KCNQ1: variants seen among roughly 807,000 people sequenced by gnomAD.
KCNQ1 encodes the protein potassium voltage-gated channel subfamily Q member 1.
Under a neutral mutation model 72.4 loss-of-function variants are expected in KCNQ1, and 49 were observed. The observed-to-expected ratio is 0.68, with a 90% CI of 0.54 to 0.86. The LOEUF (loss-of-function observed/expected upper bound fraction) is 0.86, where lower values mean the gene tolerates loss of function less well. KCNQ1 is among the 40% of genes least tolerant of loss of function. KCNQ1 has a pLI of 0.00. For synonymous variants in KCNQ1, 450 were observed against 412.6 expected (o/e 1.09, Z -1.10); for missense variants, 790 against 945.1 (o/e 0.84, Z 2.15).
At chr11:2,504,140 G>C (rs1367748916) in intron 1 of KCNQ1, among the ~76,000 whole-genome samples, 2 of 152,292 alleles carry the variant, frequency 1.3e-5, no homozygotes, top group East Asian at 1.9e-4. Flanking sequence ...CGGTATACTA[G>C]TTAGCCATGA....
In KCNQ1 at chr11:2,491,663, G is replaced by T. The variant is rs1846837854; in HGVS notation, c.387-36265G>T. On this transcript the variant is annotated intron_variant, in intron 1 of 15. Transcript: ENST00000155840. This position sits in a 1 kb window ranked among gnomAD's most constrained non-coding sequence, Gnocchi z 4.1. ...ATAGGGGTAGAAAGCTTATTCAAAG[G>T]GATACTAACATAGAACTTCCCAAAC... Among the ~76,000 whole-genome samples the T allele has an allele frequency of 6.6e-6, 1 of 151,912 alleles. No homozygotes were observed. The highest frequency in any genetic ancestry group is 1.5e-5 in the Non-Finnish European group (1 of 68,010).
chr11:2,630,108 T>G (rs1212018679), intron 10 of KCNQ1: 1 of 398,294 alleles, frequency 2.5e-6, no homozygotes, highest in African/African-American at 2.1e-5. Flanking sequence ...ACCTAATTTG[T>G]TCATAGTTTT....
rs930200424 is a variant in KCNQ1 at position 2,463,683 on chromosome 11, C to T, written c.386+18199C>T. On this transcript the variant is annotated intron_variant, in intron 1 of 15. Coordinates refer to ENST00000155840, the MANE Select transcript of KCNQ1 (RefSeq NM_000218.3). The surrounding 1 kb of genome is among the most constrained non-coding windows in gnomAD (Gnocchi z 7.0). ...GCGCTGAGCTCAACACACAGGGGCT[C>T]GGGGAGGTCTGTGGGTGCCCAGGCC... is the stretch of plus-strand genomic sequence containing the variant. Among the ~76,000 whole-genome samples, 4 of 152,256 alleles carry T rather than the reference C, an allele frequency of 2.6e-5. No homozygotes were observed. The highest frequency in any genetic ancestry group is 7.2e-5 in the African/African-American group (3 of 41,552).
rs1850339519 is a variant in KCNQ1 at position 2,678,882 on chromosome 11, A to G, written c.1514+16801A>G. 1 of 398,630 alleles carries G rather than the reference A, an allele frequency of 2.5e-6. No individual in the cohort carries two copies. Among genetic ancestry groups the G allele is most frequent in the Non-Finnish European group, 4.4e-6 (1 of 226,070 alleles). The allele number at this position is 398,630 out of a possible 1,614,324, so 24.7% of individuals were successfully genotyped here. On this transcript the variant is annotated intron_variant, in intron 11 of 15. Transcript: ENST00000155840. The surrounding 1 kb of genome is among the most constrained non-coding windows in gnomAD (Gnocchi z 4.9). ...GCACAGGAGTTGCCAGCTGGACCCA[A>G]GGACCATTTCGTATACATGTATGAT...
At chr11:2,822,167 G>T (rs1022889387) in intron 15 of KCNQ1, among the ~76,000 whole-genome samples, 1 of 152,174 alleles carries the variant, frequency 6.6e-6, no homozygotes, top group African/African-American at 2.4e-5. Context: ...AACCGGAGAA[G>T]GTGAGGAATG....
Position 2,621,961 on chromosome 11 carries a change from G to T in KCNQ1, c.1393+33107G>T, listed in dbSNP as rs1849180716. On this transcript the variant is annotated intron_variant, in intron 10 of 15. Transcript: ENST00000155840. The surrounding 1 kb of genome is among the most constrained non-coding windows in gnomAD (Gnocchi z 5.7). ...TCTAATTCCTTGAGGTACAATTTTG[G>T]GCTATTTGAAATATCTCTTCTTTTT... 2.5e-6 allele frequency: 1 copy of T among 397,770 alleles called. No individual in the cohort carries two copies. Among genetic ancestry groups the T allele is most frequent in the Non-Finnish European group, 4.4e-6 (1 of 225,838 alleles). 24.6% of individuals were successfully genotyped at this position (397,770 alleles called of 1,614,324 possible). A position where few individuals can be genotyped will look rare whatever the true frequency, so the allele number is the denominator to read the frequency against.
Position 2,690,640 on chromosome 11 carries a change from T to C in KCNQ1, c.1514+28559T>C, listed in dbSNP as rs2283191. ...ATGTTCATATATGTGTCAGAATGCG[T>C]ATTTGTCAGTGTATGTGTGTCAGTG... is the stretch of plus-strand genomic sequence containing the variant. On this transcript the variant is annotated intron_variant, in intron 11 of 15. Coordinates refer to ENST00000155840, the MANE Select transcript of KCNQ1 (RefSeq NM_000218.3). The surrounding 1 kb of genome is among the most constrained non-coding windows in gnomAD (Gnocchi z 5.1). 0.014 allele frequency: 5,749 copies of C among 398,542 alleles called. 201 individuals are homozygous for C. The highest frequency in any genetic ancestry group is 0.096 in the East Asian group (2,681 of 28,068). 24.7% of individuals were successfully genotyped at this position (398,542 alleles called of 1,614,324 possible).
rs1850507063 is a variant in KCNQ1 at position 2,687,294 on chromosome 11, G to A, written c.1514+25213G>A. On this transcript the variant is annotated intron_variant, in intron 11 of 15. Coordinates refer to ENST00000155840, the MANE Select transcript of KCNQ1 (RefSeq NM_000218.3). The surrounding 1 kb of genome is among the most constrained non-coding windows in gnomAD (Gnocchi z 5.0). ...CTGGCCTCCCACCTTGCAGCTTTGA[G>A]ATCCCAGGCCTCTCAGGGCTCTGGC... 4 of 398,572 alleles carry A rather than the reference G, an allele frequency of 1.0e-5. No individual in the cohort carries two copies. Among genetic ancestry groups the A allele is most frequent in the Non-Finnish European group, 1.8e-5 (4 of 226,122 alleles). 24.7% of individuals were successfully genotyped at this position (398,572 alleles called of 1,614,324 possible). A position where few individuals can be genotyped will look rare whatever the true frequency, so the allele number is the denominator to read the frequency against.
intron 1 of KCNQ1, among the ~76,000 whole-genome samples, chr11:2,467,452 T>A (rs1480995315): frequency 6.6e-6 from 1 of 151,872 alleles, no homozygotes; most frequent in Non-Finnish European, 1.5e-5. Flanking sequence ...CTGCAGAGGA[T>A]ATGGTGTGGC....
At position 2,772,225 on chromosome 11, in the gene KCNQ1, G is replaced by A. The variant is rs1368799699; in HGVS notation, c.1590+3306G>A. Among the ~76,000 whole-genome samples, 1 of 151,966 alleles carries A rather than the reference G, an allele frequency of 6.6e-6. No individual in the cohort carries two copies. Among genetic ancestry groups the A allele is most frequent in the Non-Finnish European group, 1.5e-5 (1 of 67,970 alleles). On this transcript the variant is annotated intron_variant, in intron 12 of 15. Transcript: ENST00000155840. This position sits in a 1 kb window ranked among gnomAD's most constrained non-coding sequence, Gnocchi z 6.6. ...TTCCTCGACGCCTGCCTGTCTGCTT[G>A]CTTGCACCCCACCCCACCCCCGCTG... is the stretch of plus-strand genomic sequence containing the variant.
Position 2,803,939 on chromosome 11 carries a change from C to G in KCNQ1, c.1794+25902C>G, listed in dbSNP as rs2134029389. On this transcript the variant is annotated intron_variant, in intron 15 of 15. Transcript: ENST00000155840. The surrounding 1 kb of genome is among the most constrained non-coding windows in gnomAD (Gnocchi z 6.4). ...TGCTCCAGCCACCTGGCAGATCCCA[C>G]TCGGCTCACACAGAGCCTTGGCCAG... Among the ~76,000 whole-genome samples, 1 of 152,300 alleles carries G rather than the reference C, an allele frequency of 6.6e-6. No homozygotes were observed. The highest frequency in any genetic ancestry group is 1.9e-4 in the East Asian group (1 of 5,176).
intron 1 of KCNQ1, chr11:2,521,572 T>C (rs1174996279): frequency 2.1e-6 from 1 of 470,434 alleles, no homozygotes; most frequent in Non-Finnish European, 4.4e-6. Context: ...CGACCCTGGG[T>C]GAGTTCCATG....
At chr11:2,578,637 C>T (rs982036998) in intron 6 of KCNQ1, among the ~76,000 whole-genome samples, 10 of 152,358 alleles carry the variant, frequency 6.6e-5, no homozygotes, top group African/African-American at 2.4e-4. Flanking sequence ...AGCACAGTGA[C>T]CTGGGAATGG....
At chr11:2,825,180 A>ACTGGGG (rs202159835) in intron 15 of KCNQ1, among the ~76,000 whole-genome samples, 1,968 of 152,050 alleles carry the variant, frequency 0.013, 37 homozygotes, top group African/African-American at 0.043. Flanking sequence ...CTGCGGCGGG[A>ACTGGGG]CTGGGGCTGG....
At chr11:2,780,176 A>G (rs1846797023) in intron 15 of KCNQ1, among the ~76,000 whole-genome samples, 1 of 152,116 alleles carries the variant, frequency 6.6e-6, no homozygotes, top group African/African-American at 2.4e-5. Flanking sequence ...GAGTTGACAG[A>G]GCTGTGCTGA....
chr11:2,776,413 C>T (rs964678811), intron 13 of KCNQ1, among the ~76,000 whole-genome samples: 3 of 152,192 alleles, frequency 2.0e-5, no homozygotes, highest in African/African-American at 4.8e-5. Flanking sequence ...CCAGCCCACC[C>T]GCCTTCCCTG....
rs1554925302 is a variant in KCNQ1, at chr11:2,803,161, C to CCTT, written c.1794+25125_1794+25126insTTC. On this transcript the variant is annotated intron_variant, in intron 15 of 15. Coordinates refer to ENST00000155840, the MANE Select transcript of KCNQ1 (RefSeq NM_000218.3). This position sits in a 1 kb window ranked among gnomAD's most constrained non-coding sequence, Gnocchi z 6.4. ...CCCAGAAAACCCAGCCGGGCCCCCC[C>CCTT]CCCCACGGGCACCCAGGAACCGCCC... Among the ~76,000 whole-genome samples, 2 of 150,700 alleles carry CCTT rather than the reference C, an allele frequency of 1.3e-5. No homozygotes were observed. Among genetic ancestry groups the CCTT allele is most frequent in the Admixed American group, 6.6e-5 (1 of 15,252 alleles).
At chr11:2,709,531 C>T (rs1431789348) in intron 11 of KCNQ1, among the ~76,000 whole-genome samples, 3 of 152,042 alleles carry the variant, frequency 2.0e-5, no homozygotes, top group African/African-American at 4.8e-5. Context: ...TACGATTCAA[C>T]GGTTTTTAGT....
rs1848269545 is a variant in KCNQ1 at position 2,567,903 on chromosome 11, C to T, written c.478-2725C>T. 6.6e-6 allele frequency among the ~76,000 whole-genome samples: 1 copy of T among 152,196 alleles called. No homozygotes were observed. The highest frequency in any genetic ancestry group is 1.5e-5 in the Non-Finnish European group (1 of 68,044). ...GTTACTTATCTATTTCAGGGTATAA[C>T]ATAAGACACACCTATCATTTCAGAC... On this transcript the variant is annotated intron_variant, in intron 2 of 15. Coordinates refer to ENST00000155840, the MANE Select transcript of KCNQ1 (RefSeq NM_000218.3). This position sits in a 1 kb window ranked among gnomAD's most constrained non-coding sequence, Gnocchi z 6.6.
Sources: allele counts gnomAD v4.1 joint callset (sites outside exome capture counted in the v4.1 genomes callset), GRCh38; gene constraint gnomAD v4.1.1; non-coding constraint Gnocchi (gnomAD v3.1); transcripts MANE v1.5; gene names NCBI Gene and HGNC (gene_info 2026-07-23, HGNC 2026-07-21).